Variants in BCL2 observed in about 807,000 individuals in gnomAD.
BCL2 encodes the protein BCL2 apoptosis regulator, also known as apoptosis regulator Bcl-2.
Under a neutral mutation model 14.2 loss-of-function variants are expected in BCL2, and 1 was observed. That is an observed-to-expected ratio of 0.07 (90% confidence interval 0.02 to 0.33). The LOEUF is 0.33. BCL2 is among the 10% of genes least tolerant of loss of function. The pLI is 0.99. For synonymous variants in BCL2, 151 were observed against 137.2 expected, an observed-to-expected ratio of 1.10 and a Z score of -0.70; for missense variants, 247 against 305.9, an observed-to-expected ratio of 0.81 and a Z score of 1.44.
chr18:63,286,454 C>T (rs1228086720), intron 2 of BCL2, among the ~76,000 whole-genome samples: 2 of 151,768 alleles, frequency 1.3e-5, no homozygotes, highest in Non-Finnish European at 2.9e-5. Context: ...CAGGAGGGTT[C>T]AACAAAGGAG....
chr18:63,179,594 G>A (rs1915435973), intron 2 of BCL2, among the ~76,000 whole-genome samples: 1 of 152,192 alleles, frequency 6.6e-6, no homozygotes, highest in African/African-American at 2.4e-5. Context: ...ATGTTGCGGT[G>A]CGGAAGGCAG....
At chr18:63,169,040 T>C (rs1915117190) in intron 2 of BCL2, among the ~76,000 whole-genome samples, 1 of 152,268 alleles carries the variant, frequency 6.6e-6, no homozygotes, top group Non-Finnish European at 1.5e-5. Context: ...TCCCAGCCTC[T>C]GGCTGACTCT....
intron 2 of BCL2, among the ~76,000 whole-genome samples, chr18:63,287,901 C>A (rs1193112049): frequency 6.6e-6 from 1 of 151,934 alleles, no homozygotes; most frequent in Non-Finnish European, 1.5e-5. Flanking sequence ...AAGAGATGAT[C>A]CAGGAAAGCT....
chr18:63,132,113 C>T (rs139748587), intron 2 of BCL2, among the ~76,000 whole-genome samples: 1 of 152,176 alleles, frequency 6.6e-6, no homozygotes, highest in African/African-American at 2.4e-5. Flanking sequence ...TGTTGCCATC[C>T]CAGGGGGCTG....
At chr18:63,308,337 C>T (rs1383638948) in intron 2 of BCL2, among the ~76,000 whole-genome samples, 1 of 152,220 alleles carries the variant, frequency 6.6e-6, no homozygotes, top group Non-Finnish European at 1.5e-5. Context: ...TGAGCTACAA[C>T]ACTGATCAGA....
intron 2 of BCL2, among the ~76,000 whole-genome samples, chr18:63,296,705 C>T (rs1912806084): frequency 6.6e-6 from 1 of 152,156 alleles, no homozygotes; most frequent in Non-Finnish European, 1.5e-5. Context: ...ATGGTGAGGC[C>T]TTCCCTGCCC....
chr18:63,166,054 C>T (rs1231159054), intron 2 of BCL2, among the ~76,000 whole-genome samples: 1 of 152,164 alleles, frequency 6.6e-6, no homozygotes, highest in Non-Finnish European at 1.5e-5. Flanking sequence ...GGTTGCAGAC[C>T]CACAGGACAC....
chr18:63,199,774 C>T (rs1333327645), intron 2 of BCL2, among the ~76,000 whole-genome samples: 3 of 152,176 alleles, frequency 2.0e-5, no homozygotes, highest in South Asian at 2.1e-4. Flanking sequence ...CAGACGCACA[C>T]GTATACACCA....
intron 2 of BCL2, among the ~76,000 whole-genome samples, chr18:63,296,364 C>A (rs992801782): frequency 2.0e-5 from 3 of 152,094 alleles, no homozygotes; most frequent in Non-Finnish European, 2.9e-5. Flanking sequence ...GTGGCACAAT[C>A]ATGGCTCACT....
At chr18:63,275,668 G>T (rs796361779) in intron 2 of BCL2, among the ~76,000 whole-genome samples, 2 of 152,292 alleles carry the variant, frequency 1.3e-5, no homozygotes, top group African/African-American at 4.8e-5. Flanking sequence ...TCCAGTTTAG[G>T]GTTTATCCAA....
chr18:63,191,285 T>C (rs1190030341), intron 2 of BCL2, among the ~76,000 whole-genome samples: 1 of 152,254 alleles, frequency 6.6e-6, no homozygotes, highest in African/African-American at 2.4e-5. Flanking sequence ...TATACTATCT[T>C]CCACAATGGT....
chr18:63,162,790 C>T (rs1419615092), intron 2 of BCL2, among the ~76,000 whole-genome samples: 1 of 152,130 alleles, frequency 6.6e-6, no homozygotes, highest in Admixed American at 6.6e-5. Flanking sequence ...CCCAAACCCC[C>T]AAACTCTGCC....
intron 2 of BCL2, among the ~76,000 whole-genome samples, chr18:63,237,901 A>G (rs1339468515): frequency 6.6e-6 from 1 of 152,058 alleles, no homozygotes; most frequent in Non-Finnish European, 1.5e-5. Flanking sequence ...GCCGCATTTC[A>G]TCAAGAATAC....
chr18:63,271,931 G>GT (rs1188505862), intron 2 of BCL2, among the ~76,000 whole-genome samples: 1 of 152,178 alleles, frequency 6.6e-6, no homozygotes, highest in African/African-American at 2.4e-5. Flanking sequence ...GTGCAGGTAC[G>GT]TAAGAAGTTC....
chr18:63,250,287 A>T (rs192487940), intron 2 of BCL2, among the ~76,000 whole-genome samples: 70 of 152,368 alleles, frequency 4.6e-4, no homozygotes, highest in Non-Finnish European at 5.0e-4. Context: ...TTGTGAATGT[A>T]GGAAAGAGTG....
At chr18:63,150,945 C>T (rs1914637308) in intron 2 of BCL2, among the ~76,000 whole-genome samples, 1 of 152,088 alleles carries the variant, frequency 6.6e-6, no homozygotes, top group African/African-American at 2.4e-5. Context: ...GGTTACTAAG[C>T]TGCGCCTCCA....
chr18:63,210,254 C>T (rs1045828822), intron 2 of BCL2, among the ~76,000 whole-genome samples: 3 of 152,084 alleles, frequency 2.0e-5, no homozygotes, highest in Non-Finnish European at 4.4e-5. Context: ...GTACAAGGGA[C>T]GAAAAGCAAA....
At chr18:63,263,523 A>G (rs1440210295) in intron 2 of BCL2, among the ~76,000 whole-genome samples, 1 of 152,252 alleles carries the variant, frequency 6.6e-6, no homozygotes, top group African/African-American at 2.4e-5. Context: ...ATTACAGAAC[A>G]AAAACCCAAA....
intron 2 of BCL2, among the ~76,000 whole-genome samples, chr18:63,309,143 G>T (rs1365234730): frequency 6.6e-6 from 1 of 152,188 alleles, no homozygotes; most frequent in Non-Finnish European, 1.5e-5. Context: ...ATCCATGCAA[G>T]TCTACAGATT....
Sources: gnomAD v4.1 joint callset for allele counts (sites outside exome capture counted in the v4.1 genomes callset) on GRCh38, gnomAD v4.1.1 for gene constraint, MANE v1.5 for transcripts, NCBI Gene and HGNC (gene_info 2026-07-23, HGNC 2026-07-21) for gene names.